The following LPIN1 variants were observed in gnomAD, a reference collection of about 807,000 sequenced individuals.
LPIN1 encodes the protein phosphatidate phosphatase LPIN1.
LPIN1 carries 71 observed loss-of-function variants against 107.5 expected under a neutral mutation model. The ratio of observed to expected loss-of-function variants is 0.66; its 90% CI spans 0.55 to 0.80. The LOEUF is 0.80. Ranked by LOEUF, LPIN1 falls within the 30% of genes least tolerant of loss-of-function variation. The pLI is 0.00. For synonymous variants in LPIN1, 445 were observed against 452.6 expected (o/e 0.98, Z 0.21); for missense variants, 1,043 against 1,160.6 (o/e 0.90, Z 1.47).
At chr2:11,698,913 G>A (rs528614338) in intron 1 of LPIN1, among the ~76,000 whole-genome samples, 24 of 152,206 alleles carry the variant, frequency 1.6e-4, no homozygotes, top group Admixed American at 5.9e-4. Flanking sequence ...TCAAATCAGC[G>A]TCCCCTTTGG....
chr2:11,744,466 G>A (rs1283151385), upstream of LPIN1, among the ~76,000 whole-genome samples: 1 of 152,172 alleles, frequency 6.6e-6, no homozygotes, highest in Admixed American at 6.5e-5. Context: ...GGCCTTCCCC[G>A]AGGTGGTAGG....
chr2:11,768,731 T>C (rs1202157117), intron 3 of LPIN1, among the ~76,000 whole-genome samples: 1 of 152,100 alleles, frequency 6.6e-6, no homozygotes, highest in Non-Finnish European at 1.5e-5. Flanking sequence ...GGTCAGGAGA[T>C]AGAGACCATC....
At position 11,771,492 on chromosome 2, in the gene LPIN1, G is replaced by A; in HGVS notation, c.409G>A (p.Ala137Thr). The A allele has an allele frequency of 1.2e-6, 2 of 1,614,232 alleles. No homozygotes were observed. The highest frequency in any genetic ancestry group is 2.2e-5 in the East Asian group (1 of 44,882). ...GAGAGGCCTGGACCCCAGCACGCCA[G>A]CCCAAGTGATCGCTCCCAGCGAGAC... ...RMRGLDPSTP[A>T]QVIAPSETPS... is the part of the protein sequence containing the mutation. The change falls in exon 4 of 21, where the codon GCC (alanine) becomes ACC (threonine). Residue 137 changes from alanine to threonine, a missense_variant. Physicochemically the swap from Ala to Thr is moderately conservative, Grantham distance 58. Coordinates refer to ENST00000674199, the MANE Select transcript of LPIN1 (RefSeq NM_001349206.2). The surrounding 1 kb of genome is among the most constrained non-coding windows in gnomAD (Gnocchi z 4.8).
rs1672293919 is a variant in LPIN1, at chr2:11,774,082, A to G, written c.722+337A>G. ...GATACTTAGCCCTAAGTAAAATTCA[A>G]AAACAGACGTTGCTTCAGGAGCTGC... On this transcript the variant is annotated intron_variant, in intron 5 of 20. Coordinates refer to ENST00000674199, the MANE Select transcript of LPIN1 (RefSeq NM_001349206.2). This position sits in a 1 kb window ranked among gnomAD's most constrained non-coding sequence, Gnocchi z 4.4. 6.6e-6 allele frequency among the ~76,000 whole-genome samples: 1 copy of G among 152,268 alleles called. No homozygotes were observed. Among genetic ancestry groups the G allele is most frequent in the African/African-American group, 2.4e-5 (1 of 41,482 alleles).
At chr2:11,719,718 C>A (rs1410626179), upstream of LPIN1, among the ~76,000 whole-genome samples, 1 of 151,850 alleles carries the variant, frequency 6.6e-6, no homozygotes, top group South Asian at 2.1e-4. Flanking sequence ...GGAGCTCTTA[C>A]GCAGGTGCCC....
intron 1 of LPIN1, among the ~76,000 whole-genome samples, chr2:11,706,879 G>A (rs1431678472): frequency 6.6e-6 from 1 of 152,176 alleles, no homozygotes; most frequent in African/African-American, 2.4e-5. Context: ...TGATGTGCAG[G>A]TTTCTGGGTG....
At chr2:11,766,997 G>A (rs1205849451) in intron 2 of LPIN1, among the ~76,000 whole-genome samples, 2 of 152,144 alleles carry the variant, frequency 1.3e-5, no homozygotes, top group African/African-American at 4.8e-5. Context: ...GAGGGGGTCC[G>A]TTCAGTCAGT....
chr2:11,804,879 G>T (rs1678384937), intron 16 of LPIN1, among the ~76,000 whole-genome samples, 191 bp from the exon 17 acceptor site: 1 of 152,026 alleles, frequency 6.6e-6, no homozygotes, highest in African/African-American at 2.4e-5. Context: ...TGATCAGACT[G>T]GAGGCGTCCT....
chr2:11,746,671 G>C lies in LPIN1; in HGVS notation c.-10G>C, dbSNP rs900670727. Reference sequence around the variant, plus strand: ...AAGGCGGCCACGCGCGGCGCCGCTCGGTGAGTAGCCGCCGCCTCCAGCCTC... The same window carrying C: ...AAGGCGGCCACGCGCGGCGCCGCTCCGTGAGTAGCCGCCGCCTCCAGCCTC... On this transcript the variant is annotated splice_region_variant and 5_prime_UTR_variant, in exon 1 of 21. Coordinates refer to ENST00000674199, the MANE Select transcript of LPIN1 (RefSeq NM_001349206.2). 5 of 984,512 alleles carry C rather than the reference G, an allele frequency of 5.1e-6. No individual in the cohort carries two copies. Among genetic ancestry groups the C allele is most frequent in the Non-Finnish European group, 6.0e-6 (5 of 829,390 alleles). 61.0% of individuals were successfully genotyped at this position (984,512 alleles called of 1,614,324 possible). A position where few individuals can be genotyped will look rare whatever the true frequency, so the allele number is the denominator to read the frequency against.
At chr2:11,704,556 TA>T (rs1344864806) in intron 1 of LPIN1, among the ~76,000 whole-genome samples, 22 of 152,196 alleles carry the variant, frequency 1.4e-4, no homozygotes. Context: ...AATCTAGTTA[TA>T]TCTAGGGTCT....
chr2:11,749,382 A>G (rs1558795587), intron 1 of LPIN1, among the ~76,000 whole-genome samples: 1 of 152,130 alleles, frequency 6.6e-6, no homozygotes. Flanking sequence ...CTAGGAGGCC[A>G]CACTGGGCCC....
intron 2 of LPIN1, among the ~76,000 whole-genome samples, chr2:11,719,127 C>T (rs1475478966): frequency 1.3e-5 from 2 of 152,172 alleles, no homozygotes; most frequent in African/African-American, 2.4e-5. Flanking sequence ...GAAATAGCAA[C>T]CCAAATCTGA....
At position 11,825,911 on chromosome 2, in the gene LPIN1, C is replaced by G. The variant is rs1682309999; in HGVS notation, c.*1120C>G. 6.6e-6 allele frequency: 1 copy of G among 152,204 alleles called. No individual in the cohort carries two copies. The highest frequency in any genetic ancestry group is 2.4e-5 in the African/African-American group (1 of 41,452). The allele number at this position is 152,204 out of a possible 1,614,324, so 9.4% of individuals were successfully genotyped here. A position where few individuals can be genotyped will look rare whatever the true frequency, so the allele number is the denominator to read the frequency against. ...GACTATCGAAAGGGCCTTATTCTCTCTTTCTCATAGACTGACCTTCTTTTG... is the reference window on the plus strand; with the variant it reads ...GACTATCGAAAGGGCCTTATTCTCTGTTTCTCATAGACTGACCTTCTTTTG... On this transcript the variant is annotated 3_prime_UTR_variant, in exon 21 of 21. Transcript: ENST00000674199. This position sits in a 1 kb window ranked among gnomAD's most constrained non-coding sequence, Gnocchi z 4.1.
rs1662631338 is a variant in LPIN1, at chr2:11,697,223, G to A, written c.82-16533G>A. On this transcript the variant is annotated intron_variant, in intron 1 of 21. Coordinates refer to the LPIN1 transcript ENST00000449576. This position sits in a 1 kb window ranked among gnomAD's most constrained non-coding sequence, Gnocchi z 4.6. ...AAATAGGCAGCCCTGCAATCGGAGGGCTGCGTGCTCCCCCTGATCAGCCCC... is the reference window on the plus strand; with the variant it reads ...AAATAGGCAGCCCTGCAATCGGAGGACTGCGTGCTCCCCCTGATCAGCCCC... 6.6e-6 allele frequency among the ~76,000 whole-genome samples: 1 copy of A among 152,200 alleles called. No homozygotes were observed. The highest frequency in any genetic ancestry group is 2.4e-5 in the African/African-American group (1 of 41,464).
At position 11,824,813 on chromosome 2, in the gene LPIN1, C is replaced by A. The variant is rs568536394; in HGVS notation, c.*22C>A. On this transcript the variant is annotated 3_prime_UTR_variant, in exon 21 of 21. Coordinates refer to ENST00000674199, the MANE Select transcript of LPIN1 (RefSeq NM_001349206.2). ...GTAAAATGTCCCAAGCAGCCTCTTG[C>A]CAGCAGTGCAGAGCCTGGTTGTCAC... 11 of 1,613,980 alleles carry A rather than the reference C, an allele frequency of 6.8e-6. No homozygotes were observed. In the South Asian group the frequency reaches 1.2e-4, roughly 18 times the overall value.
intron 1 of LPIN1, among the ~76,000 whole-genome samples, chr2:11,684,662 A>G (rs973736128): frequency 1.3e-5 from 2 of 152,210 alleles, no homozygotes; most frequent in South Asian, 4.1e-4. Flanking sequence ...TTATCCTGGG[A>G]GAAGGCATTT....
At chr2:11,685,199 C>T (rs1661939766) in intron 1 of LPIN1, among the ~76,000 whole-genome samples, 1 of 152,178 alleles carries the variant, frequency 6.6e-6, no homozygotes, top group Non-Finnish European at 1.5e-5. Flanking sequence ...GTCAAGGGTC[C>T]TGAAGCTGAA....
At chr2:11,778,268 G>A (rs1672994788) in intron 6 of LPIN1, among the ~76,000 whole-genome samples, 2 of 152,240 alleles carry the variant, frequency 1.3e-5, no homozygotes, top group South Asian at 4.1e-4. Flanking sequence ...CCAGGCAGGC[G>A]AAAGAGAGCG....
chr2:11,822,011 T>C (rs1424098308), intron 20 of LPIN1, among the ~76,000 whole-genome samples: 1 of 152,154 alleles, frequency 6.6e-6, no homozygotes, highest in Non-Finnish European at 1.5e-5. Flanking sequence ...CAATGTCTCG[T>C]TCCCACTCCC....
Sources: gnomAD v4.1 joint callset for allele counts (sites outside exome capture counted in the v4.1 genomes callset) on GRCh38, gnomAD v4.1.1 for gene constraint, Gnocchi (gnomAD v3.1) non-coding constraint, MANE v1.5 for transcripts, NCBI Gene and HGNC (gene_info 2026-07-23, HGNC 2026-07-21) for gene names.